Variants in GUCY2C observed in about 807,000 individuals in gnomAD.
GUCY2C encodes the protein guanylyl cyclase C.
In GUCY2C, 118 loss-of-function variants were observed where a neutral mutation model predicts 131.1. The observed-to-expected ratio is 0.90, with a 90% confidence interval of 0.78 to 1.05. The LOEUF (loss-of-function observed/expected upper bound fraction) is 1.05. Ranked by LOEUF, GUCY2C falls within the 50% of genes least tolerant of loss-of-function variation. The pLI is 0.00. For synonymous variants in GUCY2C, 452 were observed against 457.8 expected (o/e 0.99, Z 0.16); for missense variants, 1,161 against 1,304.4 (o/e 0.89, Z 1.69).
chr12:14,641,277 C>A (rs749711840), intron 17 of GUCY2C, 58 bp from the exon 18 acceptor site: 2 of 1,545,410 alleles, frequency 1.3e-6, no homozygotes, highest in Non-Finnish European at 1.8e-6. Context: ...TCATAGGCCT[C>A]CAACCTGCTT....
intron 24 of GUCY2C, 97 bp from the exon 25 acceptor site, chr12:14,616,824 C>T: frequency 1.3e-6 from 1 of 749,322 alleles, no homozygotes; most frequent in Non-Finnish European, 2.4e-6. Flanking sequence ...GACAAGAATC[C>T]TAAATCAAGA....
intron 3 of GUCY2C, among the ~76,000 whole-genome samples, chr12:14,684,263 T>C (rs1948413128): frequency 6.6e-6 from 1 of 152,168 alleles, no homozygotes; most frequent in African/African-American, 2.4e-5. Flanking sequence ...TATTCCCCTA[T>C]ACATTTCCTG....
chr12:14,664,358 C>T (rs1401201367), intron 10 of GUCY2C, among the ~76,000 whole-genome samples: 1 of 152,058 alleles, frequency 6.6e-6, no homozygotes, highest in East Asian at 1.9e-4. Context: ...GATAATCCCA[C>T]TCACTGGTCT....
At chr12:14,659,294 C>T (rs1371166332) in intron 11 of GUCY2C, among the ~76,000 whole-genome samples, 7 of 152,126 alleles carry the variant, frequency 4.6e-5, no homozygotes, top group East Asian at 3.9e-4. Context: ...TCAGCCACCT[C>T]GGCCTTCCAA....
At chr12:14,643,072 C>A (rs1358785793) in intron 17 of GUCY2C, among the ~76,000 whole-genome samples, 1 of 152,088 alleles carries the variant, frequency 6.6e-6, no homozygotes, top group Non-Finnish European at 1.5e-5. Context: ...TGACTCTCAC[C>A]ACAATCCTGA....
At chr12:14,644,680 T>C (rs76506430) in intron 16 of GUCY2C, among the ~76,000 whole-genome samples, 4,534 of 151,874 alleles carry the variant, frequency 0.03, 251 homozygotes, top group African/African-American at 0.11. Flanking sequence ...TATTATTGAT[T>C]CCTGCAAGAT....
At chr12:14,676,361 T>G (rs1004851251) in intron 7 of GUCY2C, among the ~76,000 whole-genome samples, 1 of 152,218 alleles carries the variant, frequency 6.6e-6, no homozygotes, top group African/African-American at 2.4e-5. Context: ...TGGGCAAATT[T>G]GGACAATGGT....
At chr12:14,672,798 A>G (rs1412891242) in intron 9 of GUCY2C, 75 bp downstream of exon 9, 5 of 783,414 alleles carry the variant, frequency 6.4e-6, no homozygotes, top group Non-Finnish European at 1.1e-5. Flanking sequence ...TTCTTTTGCT[A>G]GTGCTCCTCT....
intron 11 of GUCY2C, among the ~76,000 whole-genome samples, chr12:14,660,190 T>C (rs902939516): frequency 6.6e-6 from 1 of 152,244 alleles, no homozygotes; most frequent in Non-Finnish European, 1.5e-5. Context: ...AATACACAGA[T>C]AAAACTGTTG....
At chr12:14,623,388 A>G (rs1011545246) in intron 21 of GUCY2C, among the ~76,000 whole-genome samples, 4 of 152,210 alleles carry the variant, frequency 2.6e-5, no homozygotes, top group African/African-American at 9.6e-5. Flanking sequence ...ATCCGGAGAA[A>G]CCTTTTTAAT....
chr12:14,612,890 C>T lies in GUCY2C; in HGVS notation c.*227G>A. 1 of 446,368 alleles carries T rather than the reference C, an allele frequency of 2.2e-6. No individual in the cohort carries two copies. The highest frequency in any genetic ancestry group is 6.0e-5 in the South Asian group (1 of 16,736). The allele number at this position is 446,368 out of a possible 1,614,324, so 27.7% of individuals were successfully genotyped here. On this transcript the variant is annotated 3_prime_UTR_variant, in exon 27 of 27. Transcript: ENST00000261170. ...CTTTTCTTTTCCAGGTAGAAGCTCC[C>T]TGGAACAACTGCTGGAATAAGGTTC...
At chr12:14,639,078 G>A (rs12099526) in intron 19 of GUCY2C, among the ~76,000 whole-genome samples, 7,889 of 152,056 alleles carry the variant, frequency 0.052, 671 homozygotes, top group African/African-American at 0.18. Context: ...AGGTGGGATC[G>A]CTTGAGGTCA....
intron 7 of GUCY2C, among the ~76,000 whole-genome samples, chr12:14,675,242 G>GA (rs1948207946): frequency 1.8e-5 from 2 of 111,326 alleles, no homozygotes; most frequent in Non-Finnish European, 3.8e-5. Flanking sequence ...AAAAAAGAAA[G>GA]AAAGAAAGAA....
At chr12:14,661,162 C>A in intron 10 of GUCY2C, 100 bp from the exon 11 acceptor site, 1 of 736,090 alleles carries the variant, frequency 1.4e-6, no homozygotes, top group East Asian at 2.7e-5. Flanking sequence ...GAAAAGAGAA[C>A]CCTTTAAAAA....
chr12:14,616,574 G>A, intron 25 of GUCY2C, 59 bp downstream of exon 25: 1 of 910,358 alleles, frequency 1.1e-6, no homozygotes. Context: ...AGTCTCAAAG[G>A]AGGTGGCCCA....
chr12:14,652,840 C>G (rs1947690857), intron 13 of GUCY2C, 112 bp downstream of exon 13: 2 of 787,442 alleles, frequency 2.5e-6, no homozygotes, highest in African/African-American at 1.7e-5. Flanking sequence ...CCCCTAGGAA[C>G]AGACTGGGGA....
At chr12:14,666,308 T>C (rs1461749203) in intron 10 of GUCY2C, among the ~76,000 whole-genome samples, 1 of 152,234 alleles carries the variant, frequency 6.6e-6, no homozygotes, top group African/African-American at 2.4e-5. Context: ...CTATATTGGG[T>C]GGACCTGGCT....
chr12:14,684,797 A>G (rs1331910646), intron 3 of GUCY2C, among the ~76,000 whole-genome samples: 1 of 151,424 alleles, frequency 6.6e-6, no homozygotes, highest in Non-Finnish European at 1.5e-5. Context: ...GGCCTCCCAC[A>G]TTGCTGGGAC....
chr12:14,621,269 G>C (rs568173165), intron 22 of GUCY2C, 53 bp from the exon 23 acceptor site: 1 of 1,448,708 alleles, frequency 6.9e-7, no homozygotes, highest in Non-Finnish European at 9.6e-7. Flanking sequence ...AGTATAGAAA[G>C]TAAACAGAAG....
Sources: allele counts gnomAD v4.1 joint callset (sites outside exome capture counted in the v4.1 genomes callset), GRCh38; gene constraint gnomAD v4.1.1; transcripts MANE v1.5; gene names NCBI Gene and HGNC (gene_info 2026-07-23, HGNC 2026-07-21).